The following KDELR3 variants were observed in gnomAD, a reference collection of about 807,000 sequenced individuals.
KDELR3 encodes the protein KDEL endoplasmic reticulum protein retention receptor 3.
Under a neutral mutation model 22.7 loss-of-function variants are expected in KDELR3, and 26 were observed. The ratio of observed to expected loss-of-function variants is 1.15; its 90% CI spans 0.84 to 1.59. The LOEUF (loss-of-function observed/expected upper bound fraction) is 1.59, where lower values mean the gene tolerates loss of function less well. Ranked by LOEUF, KDELR3 falls within the 40% of genes most tolerant of loss-of-function variation. The probability of loss-of-function intolerance (pLI) is 0.00; values close to 1 mark genes in which losing one functional copy is unlikely to be tolerated. For missense variants in KDELR3, 289 were observed against 251.1 expected (o/e 1.15, Z -1.02); for synonymous variants, 120 against 98.2 (o/e 1.22, Z -1.31).
chr22:38,473,715 G>A (rs2089539265), intron 1 of KDELR3, among the ~76,000 whole-genome samples: 2 of 152,346 alleles, frequency 1.3e-5, no homozygotes, highest in South Asian at 2.1e-4. Context: ...GGTCATGCCT[G>A]TAATCCCAGC....
chr22:38,479,231 G>C (rs919189933), intron 2 of KDELR3, among the ~76,000 whole-genome samples: 1 of 152,024 alleles, frequency 6.6e-6, no homozygotes, highest in Admixed American at 6.6e-5. Flanking sequence ...AGAAGTCACT[G>C]ATGCATATCC....
chr22:38,481,711 T>G (rs550459188), intron 4 of KDELR3: 3 of 1,274,080 alleles, frequency 2.4e-6, no homozygotes, highest in South Asian at 1.6e-5. Flanking sequence ...TGGTTAGTAG[T>G]GAAAAACATT....
intron 1 of KDELR3, among the ~76,000 whole-genome samples, chr22:38,472,479 A>T (rs1000912400): frequency 6.6e-6 from 1 of 152,044 alleles, no homozygotes; most frequent in African/African-American, 2.4e-5. Flanking sequence ...TCTGTCTCAA[A>T]AAATAAATAA....
chr22:38,479,399 G>T (rs762717868), intron 2 of KDELR3, among the ~76,000 whole-genome samples, 194 bp from the exon 3 acceptor site: 1 of 152,192 alleles, frequency 6.6e-6, no homozygotes, highest in Admixed American at 6.6e-5. Flanking sequence ...TAGAAGCATG[G>T]AGTTATTTAA....
chr22:38,482,078 C>T lies in KDELR3; in HGVS notation c.605-418C>T, dbSNP rs564512225. On this transcript the variant is annotated intron_variant, in intron 4 of 4. Transcript: ENST00000216014. ...TGCACTACATTCTGATTGCCAAGGG[C>T]AGGTATTGGGTCATTAAAAAACCCA... Among the ~76,000 whole-genome samples the T allele has an allele frequency of 1.6e-4, 24 of 152,222 alleles. No individual in the cohort carries two copies. In the South Asian group the frequency reaches 2.5e-3, roughly 16 times the overall value.
At chr22:38,474,705 G>T (rs2089546747) in intron 2 of KDELR3, 82 bp downstream of exon 2, 30 of 1,177,860 alleles carry the variant, frequency 2.5e-5, no homozygotes, top group Non-Finnish European at 3.0e-5. Flanking sequence ...AACTCATTCT[G>T]TGGAGCCAGG....
chr22:38,469,827 A>T (rs752391761), intron 1 of KDELR3, among the ~76,000 whole-genome samples: 2 of 151,978 alleles, frequency 1.3e-5, no homozygotes, highest in African/African-American at 4.8e-5. Flanking sequence ...TTTATTTTTT[A>T]TTTTTATTTT....
At chr22:38,481,112 G>GTT in intron 3 of KDELR3, 100 bp from the exon 4 acceptor site, 1 of 1,087,948 alleles carries the variant, frequency 9.2e-7, no homozygotes, top group South Asian at 1.6e-5. Flanking sequence ...CCTCCTTACT[G>GTT]TACCTTCTCC....
rs1414906874 is a variant in KDELR3, at chr22:38,483,251, A to G, written c.*715A>G. 1 of 152,074 alleles carries G rather than the reference A, an allele frequency of 6.6e-6. No individual in the cohort carries two copies. The highest frequency in any genetic ancestry group is 2.4e-5 in the African/African-American group (1 of 41,390). The allele number at this position is 152,074 out of a possible 1,614,324, so 9.4% of individuals were successfully genotyped here. A position where few individuals can be genotyped will look rare whatever the true frequency, so the allele number is the denominator to read the frequency against. On this transcript the variant is annotated 3_prime_UTR_variant, in exon 5 of 5. Coordinates refer to ENST00000216014, the MANE Select transcript of KDELR3 (RefSeq NM_006855.4). ...TATGAGCAGATACAGATATATCCAA[A>G]CCCTTACCTACTAGGTATCCTGCTA...
At chr22:38,482,325 C>T (rs570472920) in intron 4 of KDELR3, among the ~76,000 whole-genome samples, 171 bp from the exon 5 acceptor site, 4 of 152,216 alleles carry the variant, frequency 2.6e-5, no homozygotes, top group East Asian at 1.9e-4. Flanking sequence ...GTAACCAAGT[C>T]GGGGATCAGT....
intron 2 of KDELR3, among the ~76,000 whole-genome samples, chr22:38,478,297 G>C (rs1177056547): frequency 6.6e-6 from 1 of 152,002 alleles, no homozygotes; most frequent in Non-Finnish European, 1.5e-5. Context: ...TATAATCCCA[G>C]CACTTTGGGA....
intron 3 of KDELR3, 45 bp downstream of exon 3, chr22:38,479,796 C>T (rs1431138532): frequency 6.4e-7 from 1 of 1,573,940 alleles, no homozygotes. Context: ...GAAATATGCT[C>T]CCTGCATCCT....
rs138575404 is a variant in KDELR3 at position 38,480,974 on chromosome 22, C to T, written c.352-238C>T. ...AAGTAGTTTTCTATATAAATGCTCACGCTACACTGTGAAAAAAGCAGTGTA... is the reference window on the plus strand; with the variant it reads ...AAGTAGTTTTCTATATAAATGCTCATGCTACACTGTGAAAAAAGCAGTGTA... On this transcript the variant is annotated intron_variant, in intron 3 of 4. Transcript: ENST00000216014. Among the ~76,000 whole-genome samples the T allele has an allele frequency of 6.5e-3, 983 of 151,644 alleles. 10 individuals carry two copies. The highest frequency in any genetic ancestry group is 0.011 in the Admixed American group (161 of 15,238).
intron 1 of KDELR3, among the ~76,000 whole-genome samples, chr22:38,473,327 G>A (rs2089536453): frequency 6.6e-6 from 1 of 152,130 alleles, no homozygotes; most frequent in Non-Finnish European, 1.5e-5. Flanking sequence ...GTAGTTACCA[G>A]CTACTCGGGA....
chr22:38,470,280 C>T (rs1044604043), intron 1 of KDELR3, among the ~76,000 whole-genome samples: 3 of 152,032 alleles, frequency 2.0e-5, no homozygotes, highest in South Asian at 2.1e-4. Context: ...CCCGCCATCA[C>T]ACTCAGCTAA....
chr22:38,468,505 G>C (rs1229802967), intron 1 of KDELR3, among the ~76,000 whole-genome samples, 181 bp downstream of exon 1: 2 of 152,176 alleles, frequency 1.3e-5, no homozygotes, highest in African/African-American at 2.4e-5. Flanking sequence ...CAGAGGAGGA[G>C]GACCCCTCGA....
intron 1 of KDELR3, among the ~76,000 whole-genome samples, chr22:38,471,782 G>A (rs2089526584): frequency 1.3e-5 from 2 of 152,058 alleles, no homozygotes; most frequent in Non-Finnish European, 1.5e-5. Context: ...TGGGCAACAT[G>A]GCAAAATCTT....
chr22:38,481,295 G>A lies in KDELR3; in HGVS notation c.435G>A (p.Glu145=), dbSNP rs1194753281. The change falls in exon 4 of 5, where the codon GAG becomes GAA. Residue 145 remains glutamate (E), a synonymous_variant. Transcript: ENST00000216014. ...LFMISKTGEA[E]TITTHYLFFL... is the part of the protein sequence containing the mutation. ...TGATCAGCAAGACTGGAGAGGCTGA[G>A]ACCATAACTACTCACTACCTGTTCT... 1 of 1,614,088 alleles carries A rather than the reference G, an allele frequency of 6.2e-7. No individual in the cohort carries two copies. Among genetic ancestry groups the A allele is most frequent in the Non-Finnish European group, 8.5e-7 (1 of 1,180,052 alleles).
chr22:38,475,809 T>C (rs1218355202), intron 2 of KDELR3, among the ~76,000 whole-genome samples: 7 of 152,050 alleles, frequency 4.6e-5, no homozygotes, highest in Non-Finnish European at 1.0e-4. Context: ...AATTTTTGTA[T>C]TTTTAGGAGA....
Sources: allele counts gnomAD v4.1 joint callset (sites outside exome capture counted in the v4.1 genomes callset), GRCh38; gene constraint gnomAD v4.1.1; transcripts MANE v1.5; gene names NCBI Gene and HGNC (gene_info 2026-07-23, HGNC 2026-07-21).